ARHGEF3: variants seen among roughly 807,000 people sequenced by gnomAD.
The protein encoded by ARHGEF3 is 59.8 kDA protein.
A neutral mutation model predicts 63.2 loss-of-function variants in ARHGEF3; 28 were observed. The ratio of observed to expected loss-of-function variants is 0.44; its 90% CI spans 0.33 to 0.61. The LOEUF is 0.61. ARHGEF3 is among the 20% of genes least tolerant of loss of function. The pLI is 0.03. For missense variants in ARHGEF3, 533 were observed against 659.3 expected (o/e 0.81, Z 2.10); for synonymous variants, 266 against 254.2 (o/e 1.05, Z -0.44).
intron 3 of ARHGEF3, among the ~76,000 whole-genome samples, chr3:56,895,588 C>T (rs1394937750): frequency 6.6e-6 from 1 of 152,002 alleles, no homozygotes; most frequent in South Asian, 2.1e-4. Flanking sequence ...CTCAGCCTCC[C>T]GAGCAGGTGG....
At chr3:56,878,479 C>T (rs1247468500) in intron 4 of ARHGEF3, among the ~76,000 whole-genome samples, 1 of 152,196 alleles carries the variant, frequency 6.6e-6, no homozygotes, top group Non-Finnish European at 1.5e-5. Flanking sequence ...CATCAACTAG[C>T]ATTGACTCTC....
intron 4 of ARHGEF3, among the ~76,000 whole-genome samples, chr3:56,808,685 T>C (rs1321569873): frequency 6.6e-6 from 1 of 152,224 alleles, no homozygotes; most frequent in Non-Finnish European, 1.5e-5. Context: ...TGAAGTGTTT[T>C]GCCCTGAAAC....
chr3:56,811,611 T>A (rs961317308), intron 4 of ARHGEF3, among the ~76,000 whole-genome samples: 15 of 152,174 alleles, frequency 9.9e-5, no homozygotes, highest in African/African-American at 3.4e-4. Flanking sequence ...TTTGGTTAAG[T>A]GGGAGCTGAA....
intron 2 of ARHGEF3, among the ~76,000 whole-genome samples, chr3:56,967,855 T>C (rs1299135345): frequency 5.3e-5 from 2 of 37,520 alleles, no homozygotes; most frequent in African/African-American, 1.6e-4. Flanking sequence ...TTATATAATA[T>C]ATAATGACAT....
chr3:56,891,840 GGGGGAAAATCAT>G (rs1490076540), intron 3 of ARHGEF3, among the ~76,000 whole-genome samples: 2 of 152,074 alleles, frequency 1.3e-5, no homozygotes, highest in Admixed American at 6.6e-5. Flanking sequence ...ACAGGCACCG[GGGGGAAAATCAT>G]GGGGAAAATA....
At chr3:56,819,158 T>G (rs904874) in intron 4 of ARHGEF3, among the ~76,000 whole-genome samples, 1 of 152,152 alleles carries the variant, frequency 6.6e-6, no homozygotes, top group South Asian at 2.1e-4. Flanking sequence ...ACATATTCCC[T>G]GGGCCACAAA....
At chr3:56,743,687 AT>A (rs2034190080) in intron 7 of ARHGEF3, among the ~76,000 whole-genome samples, 1 of 152,228 alleles carries the variant, frequency 6.6e-6, no homozygotes, top group African/African-American at 2.4e-5. Context: ...CTGGGAGGAA[AT>A]AGGCAGTTTG....
intron 3 of ARHGEF3, among the ~76,000 whole-genome samples, chr3:56,884,435 A>C (rs1346622404): frequency 6.6e-6 from 1 of 152,210 alleles, no homozygotes; most frequent in African/African-American, 2.4e-5. Context: ...TAAAATTCCA[A>C]AGGTCAATAT....
chr3:56,826,767 T>TCTAACTAGAACTGTGAAGAACTC (rs2038728126), intron 4 of ARHGEF3, among the ~76,000 whole-genome samples: 1 of 152,190 alleles, frequency 6.6e-6, no homozygotes, highest in East Asian at 1.9e-4. Flanking sequence ...CTAAAGGTCT[T>TCTAACTAGAACTGTGAAGAACTC]CTAACTAGAA....
intron 4 of ARHGEF3, among the ~76,000 whole-genome samples, chr3:56,859,629 CT>C (rs772011590): frequency 6.7e-6 from 1 of 148,514 alleles, no homozygotes; most frequent in South Asian, 2.2e-4. Flanking sequence ...ACCTCCCAGG[CT>C]AAAGCGATTC....
chr3:56,832,212 T>C (rs924275543), intron 4 of ARHGEF3, among the ~76,000 whole-genome samples: 5 of 152,230 alleles, frequency 3.3e-5, no homozygotes, highest in African/African-American at 9.6e-5. Flanking sequence ...CTGTGATTTA[T>C]TTTTCAAAAA....
rs1364662437 is a variant in ARHGEF3 at position 56,780,903 on chromosome 3, T to C, written c.97-7087A>G. ...TAAGATGGTCTTATGGATTGAATTA[T>C]GCCCCCACTGAAAGATAAGTGTAAG... is the stretch of plus-strand genomic sequence containing the variant. On this transcript the variant is annotated intron_variant, in intron 1 of 9. Coordinates refer to ENST00000296315, the MANE Select transcript of ARHGEF3 (RefSeq NM_019555.3). 2.6e-5 allele frequency among the ~76,000 whole-genome samples: 4 copies of C among 152,268 alleles called. No homozygotes were observed. In the South Asian group the frequency reaches 6.2e-4, roughly 24 times the overall value.
chr3:56,818,741 G>A (rs1448025580), intron 4 of ARHGEF3, among the ~76,000 whole-genome samples: 2 of 152,042 alleles, frequency 1.3e-5, no homozygotes, highest in South Asian at 2.1e-4. Context: ...CATCCTACGC[G>A]CTTGGAATAT....
intron 3 of ARHGEF3, among the ~76,000 whole-genome samples, chr3:56,754,673 A>G (rs2034961654): frequency 6.6e-6 from 1 of 152,270 alleles, no homozygotes; most frequent in Non-Finnish European, 1.5e-5. Context: ...AAAATAGTCT[A>G]TAAGTTGCTA....
At chr3:56,949,558 G>T (rs1321586164) in intron 3 of ARHGEF3, among the ~76,000 whole-genome samples, 1 of 151,848 alleles carries the variant, frequency 6.6e-6, no homozygotes, top group Non-Finnish European at 1.5e-5. Context: ...AAATACCTAG[G>T]AATCCAACTT....
At chr3:56,973,993 G>A (rs1425973721) in intron 2 of ARHGEF3, among the ~76,000 whole-genome samples, 1 of 152,148 alleles carries the variant, frequency 6.6e-6, no homozygotes, top group Non-Finnish European at 1.5e-5. Flanking sequence ...GGCTGAGGTG[G>A]GAGAATTGCT....
chr3:56,778,041 G>A (rs997487219), intron 1 of ARHGEF3, among the ~76,000 whole-genome samples: 1 of 152,126 alleles, frequency 6.6e-6, no homozygotes, highest in Non-Finnish European at 1.5e-5. Flanking sequence ...ACTCCCAAGG[G>A]TCATGTTTAA....
intron 2 of ARHGEF3, among the ~76,000 whole-genome samples, chr3:57,011,921 G>A (rs754306289): frequency 3.3e-5 from 5 of 152,174 alleles, no homozygotes; most frequent in Non-Finnish European, 7.3e-5. Context: ...GAGGAGAAGC[G>A]GTGGGGTCTG....
At chr3:56,872,575 T>C (rs988767867) in intron 4 of ARHGEF3, among the ~76,000 whole-genome samples, 17 of 150,830 alleles carry the variant, frequency 1.1e-4, no homozygotes, top group African/African-American at 3.4e-4. Context: ...AGTGGCACGA[T>C]CTTGGCTCAC....
Sources: allele counts gnomAD v4.1 joint callset (sites outside exome capture counted in the v4.1 genomes callset), GRCh38; gene constraint gnomAD v4.1.1; transcripts MANE v1.5; gene names NCBI Gene and HGNC (gene_info 2026-07-23, HGNC 2026-07-21).